TTC17: variants seen among roughly 807,000 people sequenced by gnomAD.
TTC17 encodes the protein tetratricopeptide repeat domain 17.
A neutral mutation model predicts 143.8 loss-of-function variants in TTC17; 58 were observed. That is an observed-to-expected ratio of 0.40 (90% confidence interval 0.33 to 0.50). The LOEUF is 0.50. Among genes scored for constraint, TTC17 ranks in the 20% least tolerant of loss-of-function variants. The pLI, the probability that TTC17 is intolerant of heterozygous loss-of-function variation, is 0.49. For missense variants in TTC17, 1,273 were observed against 1,392.5 expected (o/e 0.91, Z 1.37); for synonymous variants, 501 against 497.8 (o/e 1.01, Z -0.09).
At chr11:43,482,800 G>A (rs7121532) in intron 21 of TTC17, among the ~76,000 whole-genome samples, 87,553 of 151,836 alleles carry the variant, frequency 0.58, 26,360 homozygotes, top group African/African-American at 0.73. Context: ...GAATTTGCTT[G>A]TATCTTATTT....
At chr11:43,455,995 A>G (rs1014957675) in intron 21 of TTC17, among the ~76,000 whole-genome samples, 1 of 152,238 alleles carries the variant, frequency 6.6e-6, no homozygotes, top group African/African-American at 2.4e-5. Context: ...TGAAAAATAC[A>G]TCATGACTAA....
chr11:43,472,576 GA>G (rs1456375403), intron 21 of TTC17, among the ~76,000 whole-genome samples: 1 of 151,984 alleles, frequency 6.6e-6, no homozygotes. Context: ...AGTCTTAGTG[GA>G]ATTTTACATA....
intron 21 of TTC17, among the ~76,000 whole-genome samples, chr11:43,477,219 A>G (rs1377885520): frequency 2.0e-5 from 3 of 152,184 alleles, no homozygotes; most frequent in African/African-American, 7.2e-5. Flanking sequence ...TGCTATCAGC[A>G]TTTTTGGCAA....
At chr11:43,401,325 C>A in intron 9 of TTC17, 121 bp from the exon 10 acceptor site, 1 of 600,938 alleles carries the variant, frequency 1.7e-6, no homozygotes, top group African/African-American at 1.9e-5. Context: ...GTACGTCCTA[C>A]GTAAGTAGCC....
At chr11:43,472,011 T>C (rs1948101818) in intron 21 of TTC17, among the ~76,000 whole-genome samples, 1 of 152,166 alleles carries the variant, frequency 6.6e-6, no homozygotes, top group Non-Finnish European at 1.5e-5. Context: ...ATGAACCAAA[T>C]TGTGTGCTTT....
chr11:43,432,741 G>A (rs768630407), intron 16 of TTC17, among the ~76,000 whole-genome samples: 10 of 151,796 alleles, frequency 6.6e-5, no homozygotes, highest in African/African-American at 9.7e-5. Context: ...ACATCATTCC[G>A]ACCTCTGCCA....
intron 1 of TTC17, among the ~76,000 whole-genome samples, chr11:43,365,929 A>G (rs947262635): frequency 6.6e-6 from 1 of 151,736 alleles, no homozygotes; most frequent in Non-Finnish European, 1.5e-5. Context: ...GTATGCTGAG[A>G]GTATCTGCAT....
intron 16 of TTC17, among the ~76,000 whole-genome samples, chr11:43,424,987 C>G (rs901409700): frequency 2.6e-5 from 4 of 152,102 alleles, no homozygotes; most frequent in African/African-American, 9.7e-5. Context: ...CTGAAGGGGG[C>G]TGACTTCTTG....
At chr11:43,407,054 G>T in intron 13 of TTC17, 84 bp from the exon 14 acceptor site, 2 of 731,296 alleles carry the variant, frequency 2.7e-6, no homozygotes, top group South Asian at 4.0e-5. Flanking sequence ...AGGAGCTTAA[G>T]AAAAGACTGC....
intron 16 of TTC17, 22 bp from the exon 17 acceptor site, chr11:43,443,303 C>T (rs372075610): frequency 1.1e-5 from 18 of 1,611,372 alleles, no homozygotes; most frequent in African/African-American, 6.7e-5. Context: ...CTTTTACTAA[C>T]GTGCTGGCCC....
intron 1 of TTC17, among the ~76,000 whole-genome samples, chr11:43,374,861 T>G (rs1215386439): frequency 6.6e-6 from 1 of 152,054 alleles, no homozygotes; most frequent in Non-Finnish European, 1.5e-5. Context: ...TCAAAGAACT[T>G]AGAACAGAAC....
chr11:43,380,111 A>G (rs1856910096), intron 2 of TTC17, among the ~76,000 whole-genome samples: 1 of 152,248 alleles, frequency 6.6e-6, no homozygotes. Context: ...AGAAGGAATC[A>G]TAAGATCATC....
At chr11:43,451,729 A>G (rs942008631) in intron 21 of TTC17, among the ~76,000 whole-genome samples, 2 of 152,208 alleles carry the variant, frequency 1.3e-5, no homozygotes, top group African/African-American at 4.8e-5. Context: ...GAGAGGTTCT[A>G]AGACTCCTTT....
At chr11:43,418,602 A>G (rs1946830772) in intron 16 of TTC17, among the ~76,000 whole-genome samples, 1 of 152,194 alleles carries the variant, frequency 6.6e-6, no homozygotes, top group South Asian at 2.1e-4. Flanking sequence ...ATAAACTTAT[A>G]ATGCTTTTGA....
chr11:43,445,071 C>T (rs1947511809), intron 18 of TTC17, among the ~76,000 whole-genome samples: 1 of 151,988 alleles, frequency 6.6e-6, no homozygotes, highest in African/African-American at 2.4e-5. Context: ...GTTGTAATTG[C>T]CTAAATAAAT....
intron 21 of TTC17, among the ~76,000 whole-genome samples, chr11:43,464,397 A>G (rs1222931021): frequency 6.6e-6 from 1 of 152,214 alleles, no homozygotes; most frequent in African/African-American, 2.4e-5. Flanking sequence ...AATAAAATGC[A>G]TGGGAATTTC....
chr11:43,405,413 A>C, intron 11 of TTC17, 101 bp from the exon 12 acceptor site: 1 of 831,092 alleles, frequency 1.2e-6, no homozygotes, highest in Non-Finnish European at 2.0e-6. Flanking sequence ...AAGATATTAT[A>C]GTTTTGTTCA....
Position 43,402,002 on chromosome 11 carries a change from A to C in TTC17, c.1332+444A>C, listed in dbSNP as rs879888057. 2.5e-3 allele frequency among the ~76,000 whole-genome samples: 380 copies of C among 150,404 alleles called. 1 individual carries two copies. Among genetic ancestry groups the C allele is most frequent in the Non-Finnish European group, 4.3e-3 (291 of 67,646 alleles). ...CAAAAAATAAATAAATAAATAAATAAATAAATAAATAAATAAATAAATAAA... is the reference window on the plus strand; with the variant it reads ...CAAAAAATAAATAAATAAATAAATACATAAATAAATAAATAAATAAATAAA... On this transcript the variant is annotated intron_variant, in intron 10 of 23. Coordinates refer to ENST00000039989, the MANE Select transcript of TTC17 (RefSeq NM_018259.6).
chr11:43,401,168 C>G (rs1204890965), intron 9 of TTC17, among the ~76,000 whole-genome samples: 1 of 152,140 alleles, frequency 6.6e-6, no homozygotes, highest in Non-Finnish European at 1.5e-5. Context: ...ACGATGTAAT[C>G]ACTAGATTTT....
Sources: gnomAD v4.1 joint callset for allele counts (sites outside exome capture counted in the v4.1 genomes callset) on GRCh38, gnomAD v4.1.1 for gene constraint, MANE v1.5 for transcripts, NCBI Gene and HGNC (gene_info 2026-07-23, HGNC 2026-07-21) for gene names.